The following NRP1 variants were observed in gnomAD, a reference collection of about 807,000 sequenced individuals.
The protein encoded by NRP1 is neuropilin 1, also known as neuropilin-1.
NRP1 carries 35 observed loss-of-function variants against 106.7 expected under a neutral mutation model. The ratio of observed to expected loss-of-function variants is 0.33; its 90% CI spans 0.25 to 0.43. The LOEUF (loss-of-function observed/expected upper bound fraction) is 0.43. Among genes scored for constraint, NRP1 ranks in the 20% least tolerant of loss-of-function variants. NRP1 has a pLI of 1.00. For missense variants in NRP1, 1,024 were observed against 1,170.4 expected (o/e 0.87, Z 1.83); for synonymous variants, 437 against 417.9 (o/e 1.05, Z -0.56).
intron 2 of NRP1, among the ~76,000 whole-genome samples, chr10:33,312,296 G>A (rs1290272148): frequency 1.3e-5 from 2 of 152,178 alleles, no homozygotes; most frequent in Admixed American, 1.3e-4. Context: ...GACACATTCA[G>A]AAAGAAAACA....
chr10:33,212,406 T>TAAG (rs963023232), intron 9 of NRP1: 1 of 152,216 alleles, frequency 6.6e-6, no homozygotes. Context: ...AACATTATCC[T>TAAG]AAGTGACATA....
Position 33,243,933 on chromosome 10 carries a change from TTG to T in NRP1, c.981+10093_981+10094del, listed in dbSNP as rs112554908. Among the ~76,000 whole-genome samples, 511 of 140,726 alleles carry T rather than the reference TTG, an allele frequency of 3.6e-3. 1 individual carries two copies. The highest frequency in any genetic ancestry group is 8.4e-3 in the East Asian group (40 of 4,746). 92.3% of individuals were successfully genotyped at this position (140,726 alleles called of 152,430 possible). ...GAGAGTGGAGAAGGAGGGTAGAGGT[TTG>T]TGTGTGTGTGTGTGTGTGTGTGTGT... On this transcript the variant is annotated intron_variant, in intron 6 of 16. Coordinates refer to ENST00000374867, the MANE Select transcript of NRP1 (RefSeq NM_003873.7).
Position 33,180,107 on chromosome 10 carries a change from A to G in NRP1, c.2741T>C (p.Leu914Pro). Residue 914 changes from leucine to proline, a missense_variant, in exon 17 of 17, where the codon CTG (leucine) becomes CCG (proline). Transcript: ENST00000374867. ...CTCCGAATAAGTACTCTGTGTATTC[A>G]GTTTGTCTTTTTTCAACTTCACACC... ...VDGVKLKKDK[L>P]NTQSTYSEA 1 of 1,614,048 alleles carries G rather than the reference A, an allele frequency of 6.2e-7. No homozygotes were observed. Among genetic ancestry groups the G allele is most frequent in the Non-Finnish European group, 8.5e-7 (1 of 1,180,012 alleles).
chr10:33,208,799 T>TCA (rs1246629158), intron 9 of NRP1, among the ~76,000 whole-genome samples: 9 of 152,060 alleles, frequency 5.9e-5, no homozygotes, highest in African/African-American at 1.9e-4. Context: ...CCTCAATTGT[T>TCA]TATATAGAAC....
At chr10:33,326,346 G>A (rs1289384806) in intron 2 of NRP1, among the ~76,000 whole-genome samples, 2 of 152,076 alleles carry the variant, frequency 1.3e-5, no homozygotes, top group Admixed American at 6.5e-5. Flanking sequence ...AATGTGCAAT[G>A]AACATGTGTT....
chr10:33,227,559 C>G (rs1015822819), intron 6 of NRP1, among the ~76,000 whole-genome samples: 1 of 152,156 alleles, frequency 6.6e-6, no homozygotes, highest in Non-Finnish European at 1.5e-5. Flanking sequence ...GTGGGGGAGA[C>G]TGATGTCTCT....
chr10:33,203,247 G>A (rs1837485169), intron 10 of NRP1, among the ~76,000 whole-genome samples: 1 of 152,194 alleles, frequency 6.6e-6, no homozygotes, highest in South Asian at 2.1e-4. Context: ...TTTATACATT[G>A]TTATCTACAT....
intron 11 of NRP1, among the ~76,000 whole-genome samples, chr10:33,198,286 C>T (rs185474196): frequency 2.3e-3 from 342 of 151,792 alleles, no homozygotes; most frequent in African/African-American, 7.7e-3. Flanking sequence ...GGATTACAGG[C>T]GTGCACTACC....
At chr10:33,257,108 G>A (rs754933605) in intron 4 of NRP1, among the ~76,000 whole-genome samples, 36 of 152,298 alleles carry the variant, frequency 2.4e-4, no homozygotes, top group Non-Finnish European at 4.9e-4. Context: ...CATGTAAAAA[G>A]TTGGAGACTA....
intron 9 of NRP1, among the ~76,000 whole-genome samples, chr10:33,208,461 A>T (rs937058691): frequency 2.0e-5 from 3 of 152,124 alleles, no homozygotes; most frequent in African/African-American, 7.2e-5. Context: ...TTTCCTTTTC[A>T]CATGCACGGG....
In NRP1 at chr10:33,256,410, C is replaced by G. The variant is rs142485008; in HGVS notation, c.720G>C (p.Ser240=). ...QKTPGRIRSS[S]GILSMVFYTD... Reference sequence around the variant, plus strand: ...TGTAAAAAACCATGGAGAGAATGCCCGATGAGGATCGGATTCGACCTGGTG... The same window carrying G: ...TGTAAAAAACCATGGAGAGAATGCCGGATGAGGATCGGATTCGACCTGGTG... The change falls in exon 5 of 17, where the codon TCG becomes TCC. Residue 240 remains serine (S), a synonymous_variant. Coordinates refer to ENST00000374867, the MANE Select transcript of NRP1 (RefSeq NM_003873.7). 5.0e-6 allele frequency: 8 copies of G among 1,614,000 alleles called. No homozygotes were observed. In the Admixed American group the frequency reaches 1.3e-4, roughly 27 times the overall value.
chr10:33,287,544 G>C (rs550357147), intron 2 of NRP1, among the ~76,000 whole-genome samples: 2 of 152,226 alleles, frequency 1.3e-5, no homozygotes, highest in Non-Finnish European at 2.9e-5. Context: ...GAAGCTTGGA[G>C]AGAAAGAATG....
chr10:33,275,237 G>C (rs1843596697), intron 2 of NRP1, among the ~76,000 whole-genome samples: 1 of 152,104 alleles, frequency 6.6e-6, no homozygotes. Context: ...TCTGTTCTAA[G>C]CGAACAACCC....
chr10:33,203,720 T>A (rs563792763), intron 10 of NRP1, among the ~76,000 whole-genome samples: 2 of 114,156 alleles, frequency 1.8e-5, no homozygotes, highest in East Asian at 7.9e-4. Context: ...AATCAAAGAC[T>A]GCTTTTTTTT....
chr10:33,192,575 C>A (rs1331653756), intron 12 of NRP1, among the ~76,000 whole-genome samples, 157 bp from the exon 13 acceptor site: 1 of 152,092 alleles, frequency 6.6e-6, no homozygotes, highest in Non-Finnish European at 1.5e-5. Flanking sequence ...ACCAAGAAAC[C>A]AAAAGATGCA....
intron 2 of NRP1, among the ~76,000 whole-genome samples, chr10:33,294,469 T>A (rs1845233104): frequency 6.6e-6 from 1 of 151,636 alleles, no homozygotes. Flanking sequence ...AATACAAAAT[T>A]AGCCGGTCAT....
intron 6 of NRP1, 113 bp from the exon 7 acceptor site, chr10:33,226,402 G>T: frequency 2.6e-6 from 3 of 1,132,554 alleles, no homozygotes; most frequent in Admixed American, 4.4e-5. Context: ...GATCAACAGG[G>T]CCTCATTCCA....
At chr10:33,302,187 A>G (rs1382159254) in intron 2 of NRP1, among the ~76,000 whole-genome samples, 2 of 152,228 alleles carry the variant, frequency 1.3e-5, no homozygotes, top group Non-Finnish European at 2.9e-5. Flanking sequence ...ACAAACACAC[A>G]TACAAACTAG....
chr10:33,245,827 T>G (rs1245458837), intron 6 of NRP1, among the ~76,000 whole-genome samples: 1 of 152,164 alleles, frequency 6.6e-6, no homozygotes. Context: ...TAACTATGAG[T>G]GTTTGTTTCA....
Sources: gnomAD v4.1 joint callset for allele counts (sites outside exome capture counted in the v4.1 genomes callset) on GRCh38, gnomAD v4.1.1 for gene constraint, MANE v1.5 for transcripts, NCBI Gene and HGNC (gene_info 2026-07-23, HGNC 2026-07-21) for gene names.